Variants in EXTL3 observed in about 807,000 individuals in gnomAD.
EXTL3 encodes exostosin-like 3.
Under a neutral mutation model 69.3 loss-of-function variants are expected in EXTL3, and 27 were observed. The ratio of observed to expected loss-of-function variants is 0.39; its 90% CI spans 0.29 to 0.54. The LOEUF (loss-of-function observed/expected upper bound fraction) is 0.54. EXTL3 is among the 20% of genes least tolerant of loss of function. The pLI is 0.69. For missense variants in EXTL3, 1,003 were observed against 1,231.8 expected (o/e 0.81, Z 2.78); for synonymous variants, 511 against 499.4 (o/e 1.02, Z -0.31).
chr8:28,756,013 G>C (rs1352176673), downstream of EXTL3, among the ~76,000 whole-genome samples: 1 of 152,138 alleles, frequency 6.6e-6, no homozygotes, highest in African/African-American at 2.4e-5. Flanking sequence ...GAGTAAAGTG[G>C]CAACATCAAT....
intron 2 of EXTL3, among the ~76,000 whole-genome samples, chr8:28,610,570 G>A (rs1806258116): frequency 6.6e-6 from 1 of 152,084 alleles, no homozygotes; most frequent in East Asian, 1.9e-4. Context: ...AAAAATAACA[G>A]TTATCGGGCG....
chr8:28,610,235 G>T (rs1359656134), intron 2 of EXTL3, among the ~76,000 whole-genome samples: 1 of 152,004 alleles, frequency 6.6e-6, no homozygotes. Flanking sequence ...GTGTGTGTGT[G>T]TGTTTGTGTA....
At chr8:28,715,034 A>G (rs1338779974) in intron 2 of EXTL3, among the ~76,000 whole-genome samples, 1 of 152,210 alleles carries the variant, frequency 6.6e-6, no homozygotes, top group Non-Finnish European at 1.5e-5. Context: ...TGGGAAATAC[A>G]TTTTGTCTCA....
At chr8:28,664,169 A>ATACCACAGCAGGCTGGGTGGC (rs1807158287) in intron 1 of EXTL3, among the ~76,000 whole-genome samples, 1 of 152,146 alleles carries the variant, frequency 6.6e-6, no homozygotes, top group South Asian at 2.1e-4. Flanking sequence ...CCCTAACAAA[A>ATACCACAGCAGGCTGGGTGGC]TACCACAGCA....
chr8:28,650,254 C>T (rs894928686), intron 1 of EXTL3, among the ~76,000 whole-genome samples: 2 of 151,524 alleles, frequency 1.3e-5, no homozygotes, highest in African/African-American at 2.4e-5. Context: ...TTACCTCTCC[C>T]CAATTTCACA....
At chr8:28,683,610 C>T (rs993119766) in intron 1 of EXTL3, among the ~76,000 whole-genome samples, 18 of 152,160 alleles carry the variant, frequency 1.2e-4, no homozygotes, top group African/African-American at 1.7e-4. Context: ...GTCAGGAGAT[C>T]GAGACCATCC....
At position 28,750,830 on chromosome 8, in the gene EXTL3, G is replaced by A; in HGVS notation, c.2724G>A (p.Leu908=). 1 of 1,614,162 alleles carries A rather than the reference G, an allele frequency of 6.2e-7. No homozygotes were observed. The highest frequency in any genetic ancestry group is 1.7e-5 in the Admixed American group (1 of 60,022). The change falls in exon 7 of 7, where the codon CTG becomes CTA. Residue 908 remains leucine (L), a synonymous_variant. Transcript: ENST00000220562. The surrounding 1 kb of genome is among the most constrained non-coding windows in gnomAD (Gnocchi z 5.2). Reference sequence around the variant, plus strand: ...ATTCTGTGCTCTTCAAGACACGCCTGCCCCATGACAAGACCAAGTGCTTCA... The same window carrying A: ...ATTCTGTGCTCTTCAAGACACGCCTACCCCATGACAAGACCAAGTGCTTCA... ...RVDSVLFKTR[L]PHDKTKCFKF...
At chr8:28,676,062 CTGAT>C (rs1246975973) in intron 1 of EXTL3, among the ~76,000 whole-genome samples, 1 of 149,048 alleles carries the variant, frequency 6.7e-6, no homozygotes, top group Admixed American at 6.7e-5. Context: ...AGTGTTGAAT[CTGAT>C]TGGTTGGTTG....
chr8:28,619,256 A>G, upstream of EXTL3, among the ~76,000 whole-genome samples: 1 of 117,702 alleles, frequency 8.5e-6, no homozygotes, highest in Non-Finnish European at 1.7e-5. Context: ...CGTAGAAATT[A>G]GCTTAGTGAT....
At chr8:28,662,712 G>A (rs1033184886) in intron 1 of EXTL3, among the ~76,000 whole-genome samples, 5 of 151,328 alleles carry the variant, frequency 3.3e-5, no homozygotes, top group South Asian at 2.1e-4. Context: ...CCAGGGGTTC[G>A]AGACCAGCCT....
intron 1 of EXTL3, among the ~76,000 whole-genome samples, chr8:28,681,929 T>G (rs2130661259): frequency 6.6e-6 from 1 of 152,272 alleles, no homozygotes; most frequent in Middle Eastern, 3.4e-3. Context: ...GGCACATGCC[T>G]GTAGTCCCAG....
intron 4 of EXTL3, among the ~76,000 whole-genome samples, chr8:28,734,298 G>A (rs947848020): frequency 1.3e-5 from 2 of 152,118 alleles, no homozygotes; most frequent in African/African-American, 4.8e-5. Context: ...TATTTTCTTT[G>A]GTTGCTTGTG....
Position 28,717,626 on chromosome 8 carries a change from G to A in EXTL3, c.1567G>A (p.Ala523Thr), listed in dbSNP as rs1214674621. 6.2e-7 allele frequency: 1 copy of A among 1,614,198 alleles called. No individual in the cohort carries two copies. Among genetic ancestry groups the A allele is most frequent in the Non-Finnish European group, 8.5e-7 (1 of 1,180,042 alleles). ...TCTCTGGGAGACTTACTTCTCCACTGCTGACAGTATTTTTAATACCGTGCT... is the reference window on the plus strand; with the variant it reads ...TCTCTGGGAGACTTACTTCTCCACTACTGACAGTATTTTTAATACCGTGCT... ...RFLWETYFST[A>T]DSIFNTVLAM... is the part of the protein sequence containing the mutation. Residue 523 changes from alanine (A) to threonine (T), a missense_variant, in exon 3 of 7, where the codon GCT becomes ACT. Physicochemically the swap from Ala to Thr is moderately conservative, Grantham distance 58. This residue lies in a region of EXTL3 where 742 missense variants were observed against 815.4 expected (regional missense o/e 0.91). Coordinates refer to ENST00000220562, the MANE Select transcript of EXTL3 (RefSeq NM_001440.4). The surrounding 1 kb of genome is among the most constrained non-coding windows in gnomAD (Gnocchi z 8.3).
At chr8:28,696,165 G>T (rs190791393) in intron 1 of EXTL3, 4 of 152,134 alleles carry the variant, frequency 2.6e-5, no homozygotes, top group Non-Finnish European at 5.9e-5. Flanking sequence ...AAAGTGCTAG[G>T]ATTACAGGTG....
In EXTL3 at chr8:28,716,102, G is replaced by A. The variant is rs1385814446; in HGVS notation, c.43G>A (p.Gly15Arg). 4 of 1,612,588 alleles carry A rather than the reference G, an allele frequency of 2.5e-6. No homozygotes were observed. The highest frequency in any genetic ancestry group is 2.2e-5 in the East Asian group (1 of 44,886). The stretch of plus-strand genomic sequence containing the variant: ...GCTGCGGAATGGGGGCGCGGGGAAC[G>A]GAGGTCAGACCTGCATGCTGCGCTG... Reference protein sequence around the residue: ...TMLRNGGAGNGGQTCMLRWSN... With the variant: ...TMLRNGGAGNRGQTCMLRWSN... Residue 15 changes from glycine to arginine, a missense_variant, in exon 3 of 7, where the codon GGA (glycine) becomes AGA (arginine). Physicochemically the swap from Gly to Arg is moderately radical, Grantham distance 125. This residue lies in a region of EXTL3 where 742 missense variants were observed against 815.4 expected (regional missense o/e 0.91). Transcript: ENST00000220562. This position sits in a 1 kb window ranked among gnomAD's most constrained non-coding sequence, Gnocchi z 7.1.
At chr8:28,712,217 T>C (rs1384744507) in intron 1 of EXTL3, among the ~76,000 whole-genome samples, 2 of 152,016 alleles carry the variant, frequency 1.3e-5, no homozygotes, top group East Asian at 3.9e-4. Context: ...GGCATAAAGT[T>C]TTGAGAGCGA....
At position 28,638,482 on chromosome 8, in the gene EXTL3, C is replaced by T. The variant is rs192565847; in HGVS notation, c.-53+15672C>T. On this transcript the variant is annotated intron_variant, in intron 1 of 6. Transcript: ENST00000523149. The stretch of plus-strand genomic sequence containing the variant: ...GTCTCTTGGTTTGTTTTCCTCTGTT[C>T]GCTCCACTCTCAGGCAGCCTCTTTC... 6.6e-5 allele frequency among the ~76,000 whole-genome samples: 10 copies of T among 152,246 alleles called. No individual in the cohort carries two copies. In the East Asian group the frequency reaches 1.4e-3, roughly 21 times the overall value.
chr8:28,749,368 G>T (rs1426171433), intron 6 of EXTL3, among the ~76,000 whole-genome samples: 2 of 152,188 alleles, frequency 1.3e-5, no homozygotes, highest in Non-Finnish European at 2.9e-5. Context: ...GAGAATCATA[G>T]TTATTAAATT....
intron 6 of EXTL3, among the ~76,000 whole-genome samples, chr8:28,748,022 C>G (rs1239786748): frequency 2.6e-5 from 4 of 152,162 alleles, no homozygotes; most frequent in Non-Finnish European, 4.4e-5. Context: ...ACCACCACAT[C>G]TGGCCTTATT....
Sources: gnomAD v4.1 joint callset for allele counts (sites outside exome capture counted in the v4.1 genomes callset) on GRCh38, gnomAD v4.1.1 for gene constraint, gnomAD v4.1.1 regional missense constraint, Gnocchi (gnomAD v3.1) non-coding constraint, MANE v1.5 for transcripts, NCBI Gene and HGNC (gene_info 2026-07-23, HGNC 2026-07-21) for gene names.